Variants in NCOR2 observed in about 807,000 individuals in gnomAD.
The protein encoded by NCOR2 is nuclear receptor corepressor 2, also known as CTG repeat protein 26.
Under a neutral mutation model 262.9 loss-of-function variants are expected in NCOR2, and 81 were observed. The observed-to-expected ratio is 0.31, with a 90% CI of 0.26 to 0.37. NCOR2 has a LOEUF of 0.37. Among genes scored for constraint, NCOR2 ranks in the 10% least tolerant of loss-of-function variants. The pLI is 1.00. For missense variants in NCOR2, 3,385 were observed against 3,621.4 expected (o/e 0.93, Z 1.68); for synonymous variants, 1,659 against 1,559.3 (o/e 1.06, Z -1.51).
intron 16 of NCOR2, among the ~76,000 whole-genome samples, chr12:124,394,764 G>T (rs1752196634): frequency 1.3e-5 from 2 of 152,182 alleles, no homozygotes; most frequent in South Asian, 4.1e-4. Flanking sequence ...TGGACTTCTG[G>T]CCTCCAGAAC....
intron 5 of NCOR2, among the ~76,000 whole-genome samples, chr12:124,458,381 G>T (rs887950058): frequency 6.6e-5 from 10 of 152,192 alleles, no homozygotes; most frequent in African/African-American, 1.7e-4. Context: ...AAGACAGCAG[G>T]TATGTAGGTG....
Position 124,427,584 on chromosome 12 carries a change from T to C in NCOR2, c.1150-784A>G, listed in dbSNP as rs144634033. On this transcript the variant is annotated intron_variant, in intron 10 of 46. Transcript: ENST00000405201. ...CCACATCCAACCTCTTCACTCAATG[T>C]GCAGGACTCCCAGCCAGGGGTCAGG... 1.0e-3 allele frequency among the ~76,000 whole-genome samples: 157 copies of C among 152,314 alleles called. 4 individuals are homozygous for C. Among genetic ancestry groups the C allele is most frequent in the Non-Finnish European group, 5.1e-4 (35 of 68,020 alleles).
chr12:124,379,119 T>C (rs1039109754), intron 17 of NCOR2, among the ~76,000 whole-genome samples: 5 of 46,488 alleles, frequency 1.1e-4, no homozygotes, highest in Non-Finnish European at 3.0e-4. Context: ...GCGGAGGGAA[T>C]GGGCCAGGCC....
chr12:124,526,975 A>C (rs2050504627), intron 1 of NCOR2, among the ~76,000 whole-genome samples: 1 of 152,230 alleles, frequency 6.6e-6, no homozygotes, highest in Non-Finnish European at 1.5e-5. Context: ...GGCCGCTGAA[A>C]GAGAAAGAGA....
At chr12:124,331,045 G>A in intron 43 of NCOR2, 147 bp from the exon 46 acceptor site, 1 of 710,390 alleles carries the variant, frequency 1.4e-6, no homozygotes, top group Non-Finnish European at 2.3e-6. Context: ...CCTGGGACAG[G>A]GCCAAGCGTC....
chr12:124,466,365 G>T, intron 4 of NCOR2, 79 bp from the exon 7 acceptor site: 2 of 1,354,354 alleles, frequency 1.5e-6, no homozygotes, highest in Admixed American at 2.0e-5. Flanking sequence ...GCGCGGGGAG[G>T]CCCCCTTGCA....
chr12:124,338,503 A>G (rs1363523308), intron 37 of NCOR2, among the ~76,000 whole-genome samples: 2 of 133,500 alleles, frequency 1.5e-5, no homozygotes, highest in African/African-American at 2.8e-5. Flanking sequence ...GTACAACTCC[A>G]TCAAAAAAAA....
At chr12:124,487,263 C>A (rs755163438) in intron 1 of NCOR2, among the ~76,000 whole-genome samples, 1 of 152,172 alleles carries the variant, frequency 6.6e-6, no homozygotes, top group Non-Finnish European at 1.5e-5. Flanking sequence ...CAAGTGATGG[C>A]GACAAACACC....
exon 4 of NCOR2, chr12:124,473,114 G>C (rs1425040624): frequency 6.2e-7 from 1 of 1,613,902 alleles, no homozygotes; most frequent in Non-Finnish European, 8.5e-7. Flanking sequence ...GTTCCAGCTT[G>C]CCCGTCAGGC....
chr12:124,427,664 C>A (rs2043633297), intron 10 of NCOR2, among the ~76,000 whole-genome samples: 1 of 152,326 alleles, frequency 6.6e-6, no homozygotes, highest in Admixed American at 6.5e-5. Context: ...CCCCAAGAGG[C>A]TGGCATCTGT....
intron 22 of NCOR2, among the ~76,000 whole-genome samples, chr12:124,358,440 T>C (rs887397548): frequency 6.6e-5 from 10 of 152,106 alleles, no homozygotes; most frequent in African/African-American, 9.7e-5. Flanking sequence ...GTGTGTGTGT[T>C]GTGGCGGGCA....
intron 43 of NCOR2, 74 bp downstream of exon 45, chr12:124,332,245 G>T: frequency 1.3e-6 from 2 of 1,570,084 alleles, no homozygotes; most frequent in East Asian, 2.2e-5. Flanking sequence ...GCCACTGGGC[G>T]GCTCCAGCTG....
intron 13 of NCOR2, 43 bp from the exon 16 acceptor site, chr12:124,402,604 GA>G: frequency 6.5e-7 from 1 of 1,544,354 alleles, no homozygotes; most frequent in Non-Finnish European, 8.7e-7. Context: ...GGGGAGGGAA[GA>G]AAACCGTGAA....
At chr12:124,347,300 G>C (rs867433578) in intron 30 of NCOR2, 1 of 171,990 alleles carries the variant, frequency 5.8e-6, no homozygotes, top group Non-Finnish European at 1.2e-5. Context: ...CCTGAAAGGC[G>C]GAGGCTGCAG....
chr12:124,354,974 C>A, intron 24 of NCOR2, 35 bp from the exon 27 acceptor site: 1 of 1,573,314 alleles, frequency 6.4e-7, no homozygotes, highest in Non-Finnish European at 8.7e-7. Context: ...ACAGGGGCAC[C>A]CTGGTCCCTC....
intron 6 of NCOR2, among the ~76,000 whole-genome samples, chr12:124,450,554 C>T (rs1314470950): frequency 6.6e-6 from 1 of 152,204 alleles, no homozygotes; most frequent in Non-Finnish European, 1.5e-5. Context: ...GCTAGCCGTC[C>T]ACCACCAGAA....
rs1338723249 is a variant in NCOR2, at chr12:124,337,128, T to A, written c.5740A>T (p.Thr1914Ser). The change falls in exon 38 of 47, where the codon ACC becomes TCC. Residue 1914 changes from threonine (T) to serine (S), a missense_variant. Thr to Ser is a moderately conservative substitution (Grantham distance 58). This residue lies in a region of NCOR2 where 1,017 missense variants were observed against 967.2 expected (regional missense o/e 1.05). Coordinates refer to ENST00000405201, the Ensembl canonical transcript of NCOR2. ...AGGGTGCCGCCCAGTGGGCAGTGGG[T>A]GGCAGGTGGGAATGTGGCAGCCGGG... The A allele has an allele frequency of 3.7e-5, 56 of 1,513,018 alleles. No homozygotes were observed. Among genetic ancestry groups the A allele is most frequent in the Non-Finnish European group, 4.6e-5 (52 of 1,126,096 alleles). The allele number at this position is 1,513,018 out of a possible 1,614,324, so 93.7% of individuals were successfully genotyped here.
intron 1 of NCOR2, among the ~76,000 whole-genome samples, chr12:124,505,056 G>C (rs974350503): frequency 6.6e-6 from 1 of 152,240 alleles, no homozygotes. Context: ...AAAATCGTTT[G>C]ACAGGGGAAA....
In NCOR2 at chr12:124,325,384, C is replaced by CCCCA. The variant is rs1555297261; in HGVS notation, c.*17_*18insTGGG. On this transcript the variant is annotated 3_prime_UTR_variant, in exon 47 of 47. Transcript: ENST00000405201. Reference sequence around the variant, plus strand: ...TCGCTGGGACCTGACACCGCCCCCCCCCCCGCCCTGTTCTGAGTCACTCGC... The same window carrying CCCCA: ...TCGCTGGGACCTGACACCGCCCCCCCCCCACCCCGCCCTGTTCTGAGTCACTCGC... The CCCCA allele has an allele frequency of 6.4e-5, 31 of 486,598 alleles. 2 individuals carry two copies. Among genetic ancestry groups the CCCCA allele is most frequent in the Admixed American group, 3.0e-4 (5 of 16,760 alleles). The allele number at this position is 486,598 out of a possible 1,614,324, so 30.1% of individuals were successfully genotyped here.
Sources: gnomAD v4.1 joint callset for allele counts (sites outside exome capture counted in the v4.1 genomes callset) on GRCh38, gnomAD v4.1.1 for gene constraint, gnomAD v4.1.1 regional missense constraint, MANE v1.5 for transcripts, NCBI Gene and HGNC (gene_info 2026-07-23, HGNC 2026-07-21) for gene names.